The following JMJD1C variants were observed in gnomAD, a reference collection of about 807,000 sequenced individuals.
JMJD1C encodes the protein jumonji domain containing 1C, also known as jumonji domain-containing protein 1C.
A neutral mutation model predicts 245.3 loss-of-function variants in JMJD1C; 31 were observed. The ratio of observed to expected loss-of-function variants is 0.13; its 90% CI spans 0.09 to 0.17. The LOEUF (loss-of-function observed/expected upper bound fraction) is 0.17, where lower values mean the gene tolerates loss of function less well. JMJD1C is among the 10% of genes least tolerant of loss of function. JMJD1C has a pLI of 1.00. For synonymous variants in JMJD1C, 1,057 were observed against 1,017.4 expected (o/e 1.04, Z -0.74); for missense variants, 2,691 against 3,000.2 (o/e 0.90, Z 2.41).
intron 1 of JMJD1C, among the ~76,000 whole-genome samples, chr10:63,451,732 C>T (rs1034516327): frequency 1.3e-5 from 2 of 152,094 alleles, no homozygotes; most frequent in Non-Finnish European, 2.9e-5. Flanking sequence ...ATCAATCCCC[C>T]ACGATACTGA....
chr10:63,300,282 C>G (rs186896275), intron 2 of JMJD1C, among the ~76,000 whole-genome samples: 1 of 152,082 alleles, frequency 6.6e-6, no homozygotes, highest in African/African-American at 2.4e-5. Flanking sequence ...ACTATCCTCC[C>G]ATAGTAAGTC....
chr10:63,490,417 A>T (rs868067339), intron 1 of JMJD1C, among the ~76,000 whole-genome samples: 2,296 of 118,512 alleles, frequency 0.019, 35 homozygotes, highest in Admixed American at 0.023. Context: ...TTATTTATTT[A>T]TTTTATTTTT....
intron 2 of JMJD1C, among the ~76,000 whole-genome samples, chr10:63,316,968 T>C (rs1940152986): frequency 6.6e-6 from 1 of 152,166 alleles, no homozygotes; most frequent in African/African-American, 2.4e-5. Context: ...AGAGCAATTC[T>C]CATGTCTCAG....
intron 1 of JMJD1C, among the ~76,000 whole-genome samples, chr10:63,412,483 T>C (rs1949545886): frequency 1.3e-5 from 2 of 152,324 alleles, no homozygotes; most frequent in East Asian, 1.9e-4. Flanking sequence ...ACTACTCACA[T>C]GGAGATGTCA....
intron 1 of JMJD1C, among the ~76,000 whole-genome samples, chr10:63,429,269 G>A (rs752517622): frequency 1.3e-5 from 2 of 151,908 alleles, no homozygotes; most frequent in Non-Finnish European, 2.9e-5. Context: ...ATGAGCTACC[G>A]AGCCCAGCCT....
intron 2 of JMJD1C, among the ~76,000 whole-genome samples, chr10:63,370,584 C>T (rs1946234956): frequency 6.6e-6 from 1 of 152,176 alleles, no homozygotes; most frequent in African/African-American, 2.4e-5. Context: ...CCCCCCAATT[C>T]TAACGTTCAA....
intron 1 of JMJD1C, among the ~76,000 whole-genome samples, chr10:63,434,589 C>A (rs1950959554): frequency 6.6e-6 from 1 of 151,830 alleles, no homozygotes; most frequent in Admixed American, 6.6e-5. Context: ...AAAGATTGAC[C>A]AACCTGGGCC....
intron 1 of JMJD1C, among the ~76,000 whole-genome samples, chr10:63,418,304 A>C (rs1949914087): frequency 6.6e-6 from 1 of 152,194 alleles, no homozygotes; most frequent in Admixed American, 6.5e-5. Context: ...CATACTATAG[A>C]ATACTTATAA....
intron 2 of JMJD1C, among the ~76,000 whole-genome samples, chr10:63,349,100 C>CCA (rs1554897122): frequency 1.4e-4 from 5 of 34,872 alleles, no homozygotes; most frequent in Non-Finnish European, 1.9e-4. Context: ...GACTCTGTCT[C>CCA]AAAAAAAAAA....
intron 1 of JMJD1C, among the ~76,000 whole-genome samples, chr10:63,395,085 G>C (rs560040210): frequency 1.1e-3 from 175 of 152,208 alleles, no homozygotes; most frequent in Non-Finnish European, 2.0e-3. Context: ...AAGACATACA[G>C]GCAGCAAGTA....
chr10:63,400,764 G>C (rs1391120206), intron 1 of JMJD1C, among the ~76,000 whole-genome samples: 1 of 151,932 alleles, frequency 6.6e-6, no homozygotes, highest in Admixed American at 6.6e-5. Context: ...GTTTCACTAT[G>C]TTTTTCACCA....
intron 1 of JMJD1C, among the ~76,000 whole-genome samples, chr10:63,426,067 G>T (rs1950421049): frequency 6.6e-6 from 1 of 152,136 alleles, no homozygotes. Flanking sequence ...GTAAAAGGAT[G>T]TGACACAATG....
intron 1 of JMJD1C, among the ~76,000 whole-genome samples, chr10:63,441,251 G>A (rs755144430): frequency 2.6e-5 from 4 of 152,090 alleles, no homozygotes; most frequent in Non-Finnish European, 4.4e-5. Flanking sequence ...ACTCCTAAAG[G>A]TGTCCTTGGA....
intron 2 of JMJD1C, among the ~76,000 whole-genome samples, chr10:63,359,554 C>A (rs1350696930): frequency 6.6e-6 from 1 of 150,942 alleles, no homozygotes; most frequent in East Asian, 1.9e-4. Flanking sequence ...TTTCTAACTT[C>A]TTATTACATA....
chr10:63,324,244 C>T (rs1941263993), intron 2 of JMJD1C, among the ~76,000 whole-genome samples: 2 of 151,854 alleles, frequency 1.3e-5, no homozygotes, highest in Admixed American at 6.6e-5. Flanking sequence ...AATGAACCAT[C>T]ACAGTCCTCA....
rs536357102 is a variant in JMJD1C at position 63,414,020 on chromosome 10, AC to A, written c.169-33539del. ...TTTTTTTTTTGACACGGAGTCTTGCACTGTCGACCAGGCTGGAGTGCAGTGG... is the reference window on the plus strand; with the variant it reads ...TTTTTTTTTTGACACGGAGTCTTGCATGTCGACCAGGCTGGAGTGCAGTGG... On this transcript the variant is annotated intron_variant, in intron 1 of 25. Coordinates refer to ENST00000399262, the MANE Select transcript of JMJD1C (RefSeq NM_032776.3). Among the ~76,000 whole-genome samples the A allele has an allele frequency of 9.3e-5, 13 of 140,456 alleles. No individual in the cohort carries two copies. The South Asian group carries it at 2.8e-3, about 31-fold the overall frequency. The allele number at this position is 140,456 out of a possible 152,430, so 92.1% of individuals were successfully genotyped here. A position where few individuals can be genotyped will look rare whatever the true frequency, so the allele number is the denominator to read the frequency against.
chr10:63,167,980 C>T lies in JMJD1C; in HGVS notation c.*65G>A. On this transcript the variant is annotated 3_prime_UTR_variant, in exon 26 of 26. Coordinates refer to ENST00000399262, the MANE Select transcript of JMJD1C (RefSeq NM_032776.3). ...ATGAAGCTTAAAGTCAGTGTGCATA[C>T]ATATCATCATTCAAGGTTAAGTAAT... The T allele has an allele frequency of 1.1e-6, 1 of 927,390 alleles. No individual in the cohort carries two copies. Among genetic ancestry groups the T allele is most frequent in the Non-Finnish European group, 1.8e-6 (1 of 559,970 alleles). 57.4% of individuals were successfully genotyped at this position (927,390 alleles called of 1,614,324 possible).
At chr10:63,196,311 A>G (rs1185807354) in intron 13 of JMJD1C, among the ~76,000 whole-genome samples, 2 of 152,168 alleles carry the variant, frequency 1.3e-5, no homozygotes, top group African/African-American at 4.8e-5. Flanking sequence ...ACAACAATTT[A>G]CTTTTAATAT....
chr10:63,389,731 CAA>C (rs1223586509), intron 1 of JMJD1C, among the ~76,000 whole-genome samples: 1 of 152,004 alleles, frequency 6.6e-6, no homozygotes, highest in Non-Finnish European at 1.5e-5. Flanking sequence ...TAGAAATCAA[CAA>C]AGAGGAACTT....
Sources: gnomAD v4.1 joint callset for allele counts (sites outside exome capture counted in the v4.1 genomes callset) on GRCh38, gnomAD v4.1.1 for gene constraint, MANE v1.5 for transcripts, NCBI Gene and HGNC (gene_info 2026-07-23, HGNC 2026-07-21) for gene names.